Variants in GAS7 observed in about 807,000 individuals in gnomAD.
GAS7 encodes the protein growth arrest specific 7.
GAS7 carries 28 observed loss-of-function variants against 71.1 expected under a neutral mutation model. The ratio of observed to expected loss-of-function variants is 0.39; its 90% confidence interval spans 0.29 to 0.54. The LOEUF is 0.54. Among genes scored for constraint, GAS7 ranks in the 20% least tolerant of loss-of-function variants. The pLI, the probability that GAS7 is intolerant of heterozygous loss-of-function variation, is 0.62. For synonymous variants in GAS7, 258 were observed against 245.8 expected (o/e 1.05, Z -0.46); for missense variants, 436 against 627.8 (o/e 0.69, Z 3.27).
At chr17:9,954,091 G>A (rs2069128293) in intron 5 of GAS7, among the ~76,000 whole-genome samples, 1 of 152,212 alleles carries the variant, frequency 6.6e-6, no homozygotes, top group South Asian at 2.1e-4. Flanking sequence ...AGACAGAGGG[G>A]TGGGAAGGTG....
chr17:10,135,760 G>C (rs984262241), intron 1 of GAS7, among the ~76,000 whole-genome samples: 1 of 152,164 alleles, frequency 6.6e-6, no homozygotes, highest in Non-Finnish European at 1.5e-5. Context: ...TCCGAACTGG[G>C]GGGAGGGGGG....
At chr17:10,124,061 T>C (rs1177367293) in intron 1 of GAS7, among the ~76,000 whole-genome samples, 1 of 152,176 alleles carries the variant, frequency 6.6e-6, no homozygotes, top group Non-Finnish European at 1.5e-5. Context: ...GCTCTATTCT[T>C]ATCTCAAGGG....
chr17:10,039,527 CA>C (rs1184791919), intron 1 of GAS7, among the ~76,000 whole-genome samples: 5 of 152,000 alleles, frequency 3.3e-5, no homozygotes, highest in Admixed American at 6.6e-5. Flanking sequence ...ACTAAAAATA[CA>C]AAAAATTGGC....
chr17:10,060,064 T>C (rs542450369), intron 1 of GAS7, among the ~76,000 whole-genome samples: 51 of 152,266 alleles, frequency 3.3e-4, no homozygotes, highest in Admixed American at 5.2e-4. Context: ...CATCATCCCC[T>C]GCACATGCTC....
chr17:10,169,079 A>C (rs1457617615), intron 1 of GAS7, among the ~76,000 whole-genome samples: 1 of 151,856 alleles, frequency 6.6e-6, no homozygotes, highest in Non-Finnish European at 1.5e-5. Context: ...GTTTGAGATC[A>C]GCCTGGCCAA....
intron 1 of GAS7, among the ~76,000 whole-genome samples, chr17:10,036,992 TGGCCCC>T (rs373674196): frequency 6.6e-6 from 1 of 152,188 alleles, no homozygotes; most frequent in Admixed American, 6.5e-5. Context: ...GCTCTGGTCC[TGGCCCC>T]GGCCCCGGCC....
In GAS7 at chr17:10,026,423, T is replaced by C. The variant is rs114329550; in HGVS notation, c.184-6526A>G. 1.5e-3 allele frequency: 496 copies of C among 329,210 alleles called. 2 individuals are homozygous for C. The highest frequency in any genetic ancestry group is 9.9e-3 in the African/African-American group (445 of 45,044). 20.4% of individuals were successfully genotyped at this position (329,210 alleles called of 1,614,324 possible). A position where few individuals can be genotyped will look rare whatever the true frequency, so the allele number is the denominator to read the frequency against. On this transcript the variant is annotated intron_variant, in intron 1 of 13. Coordinates refer to ENST00000432992, the MANE Select transcript of GAS7 (RefSeq NM_201433.2). The surrounding 1 kb of genome is among the most constrained non-coding windows in gnomAD (Gnocchi z 4.5). ...GACCCGTTGCTATGGCAATGCTTGCTAATGAGCCCAGTGCCGTGATTGGCA... is the reference window on the plus strand; with the variant it reads ...GACCCGTTGCTATGGCAATGCTTGCCAATGAGCCCAGTGCCGTGATTGGCA...
chr17:9,936,540 A>G (rs1006613295), intron 8 of GAS7, among the ~76,000 whole-genome samples: 1 of 152,258 alleles, frequency 6.6e-6, no homozygotes, highest in Non-Finnish European at 1.5e-5. Flanking sequence ...AAGTGGGAAG[A>G]CATGTCTCCA....
intron 1 of GAS7, among the ~76,000 whole-genome samples, chr17:10,113,608 AT>A (rs1484918623): frequency 6.6e-6 from 1 of 152,162 alleles, no homozygotes; most frequent in Non-Finnish European, 1.5e-5. Context: ...CAGAGATCGC[AT>A]TTTTCCGCCC....
chr17:9,997,508 C>T (rs2071093952), intron 2 of GAS7, among the ~76,000 whole-genome samples: 1 of 152,214 alleles, frequency 6.6e-6, no homozygotes, highest in Non-Finnish European at 1.5e-5. Flanking sequence ...TCACTCAACA[C>T]TTCTGACATC....
intron 1 of GAS7, among the ~76,000 whole-genome samples, chr17:10,181,925 T>C (rs967978530): frequency 6.6e-6 from 1 of 152,116 alleles, no homozygotes; most frequent in Non-Finnish European, 1.5e-5. Flanking sequence ...ATTGGCATGC[T>C]AAATGACACT....
intron 1 of GAS7, among the ~76,000 whole-genome samples, chr17:10,060,983 G>A (rs1257587431): frequency 6.6e-6 from 1 of 152,166 alleles, no homozygotes; most frequent in Non-Finnish European, 1.5e-5. Flanking sequence ...TTTCCAAAGA[G>A]ACACCTAGAA....
intron 1 of GAS7, among the ~76,000 whole-genome samples, chr17:10,192,191 ACTT>A (rs1166859252): frequency 2.0e-5 from 3 of 152,178 alleles, no homozygotes; most frequent in Admixed American, 6.5e-5. Context: ...GCCAGCCGCC[ACTT>A]CTTCTTCTCG....
chr17:10,018,899 C>T (rs892198274), intron 2 of GAS7, among the ~76,000 whole-genome samples: 1 of 152,122 alleles, frequency 6.6e-6, no homozygotes, highest in Non-Finnish European at 1.5e-5. Flanking sequence ...TCTGTGATTC[C>T]CACTAAATCT....
intron 1 of GAS7, among the ~76,000 whole-genome samples, chr17:10,083,605 C>T (rs144077899): frequency 0.01 from 1,532 of 152,312 alleles, 15 homozygotes; most frequent in South Asian, 0.023. Flanking sequence ...AATGAGGATG[C>T]ACTGAACATT....
chr17:9,985,533 C>T (rs2070613567), intron 2 of GAS7, among the ~76,000 whole-genome samples: 1 of 152,250 alleles, frequency 6.6e-6, no homozygotes. Flanking sequence ...ATGTCTCTTC[C>T]ACCATGCAGC....
intron 5 of GAS7, among the ~76,000 whole-genome samples, chr17:9,956,244 G>A (rs772404156): frequency 6.6e-6 from 1 of 152,160 alleles, no homozygotes; most frequent in Non-Finnish European, 1.5e-5. Flanking sequence ...AGTCCAACAG[G>A]CTCTGAATTT....
chr17:9,997,081 C>T (rs928268094), intron 2 of GAS7, among the ~76,000 whole-genome samples: 11 of 152,076 alleles, frequency 7.2e-5, no homozygotes, highest in African/African-American at 1.2e-4. Flanking sequence ...ACTAGTTTAG[C>T]GTATGGTAAA....
Position 9,913,535 on chromosome 17 carries a change from C to T in GAS7, c.*3693G>A, listed in dbSNP as rs982389143. The T allele has an allele frequency of 1.3e-5, 3 of 231,438 alleles. No homozygotes were observed. Among genetic ancestry groups the T allele is most frequent in the Admixed American group, 1.1e-4 (2 of 17,670 alleles). 14.3% of individuals were successfully genotyped at this position (231,438 alleles called of 1,614,324 possible). ...TTTCACAAAGGGTAGGGAAAGAAAC[C>T]CCTGGTTGGTGAATTCGTTGGTACA... On this transcript the variant is annotated 3_prime_UTR_variant, in exon 14 of 14. Transcript: ENST00000432992.
Sources: gnomAD v4.1 joint callset for allele counts (sites outside exome capture counted in the v4.1 genomes callset) on GRCh38, gnomAD v4.1.1 for gene constraint, Gnocchi (gnomAD v3.1) non-coding constraint, MANE v1.5 for transcripts, NCBI Gene and HGNC (gene_info 2026-07-23, HGNC 2026-07-21) for gene names.